The following VTI1A variants were observed in gnomAD, a reference collection of about 807,000 sequenced individuals.
The protein encoded by VTI1A is vesicle transport through interaction with t-SNAREs 1A.
In VTI1A, 22 loss-of-function variants were observed where a neutral mutation model predicts 34.9. The observed-to-expected ratio is 0.63, with a 90% CI of 0.45 to 0.90. The LOEUF is 0.90. VTI1A is among the 40% of genes least tolerant of loss of function. The pLI, the probability that VTI1A is intolerant of heterozygous loss-of-function variation, is 0.00. For synonymous variants in VTI1A, 87 were observed against 97.3 expected (o/e 0.89, Z 0.62); for missense variants, 268 against 275.6 (o/e 0.97, Z 0.20).
intron 5 of VTI1A, among the ~76,000 whole-genome samples, chr10:112,606,294 G>T (rs1332197635): frequency 6.6e-6 from 1 of 151,940 alleles, no homozygotes; most frequent in Non-Finnish European, 1.5e-5. Flanking sequence ...CAAAGTGCTG[G>T]GATTACAGAC....
intron 5 of VTI1A, among the ~76,000 whole-genome samples, chr10:112,545,927 GTT>G (rs1851066984): frequency 6.6e-6 from 1 of 151,300 alleles, no homozygotes. Flanking sequence ...GTGTGCATGT[GTT>G]TGTGTATTTT....
intron 7 of VTI1A, among the ~76,000 whole-genome samples, chr10:112,813,608 C>T (rs1853398063): frequency 6.6e-6 from 1 of 152,160 alleles, no homozygotes; most frequent in African/African-American, 2.4e-5. Context: ...ACAGAGCCAC[C>T]AAGTAGCACC....
At chr10:112,674,094 G>T (rs181679516) in intron 7 of VTI1A, among the ~76,000 whole-genome samples, 2 of 152,236 alleles carry the variant, frequency 1.3e-5, no homozygotes, top group African/African-American at 4.8e-5. Context: ...ACTGAAGAAA[G>T]TATCTTCTCT....
chr10:112,590,703 A>T (rs1257262892), intron 5 of VTI1A, among the ~76,000 whole-genome samples: 1 of 152,100 alleles, frequency 6.6e-6, no homozygotes, highest in Non-Finnish European at 1.5e-5. Context: ...TATTAATAAA[A>T]ATAAAATAAA....
rs186153717 is a variant in VTI1A at position 112,529,452 on chromosome 10, C to T, written c.342+2288C>T. Among the ~76,000 whole-genome samples, 27 of 152,136 alleles carry T rather than the reference C, an allele frequency of 1.8e-4. No individual in the cohort carries two copies. In the East Asian group the frequency reaches 4.3e-3, roughly 24 times the overall value. ...ATTCATTCAGAATATGGAGTCAAAACGGAAGCTCTTTCTGTAAAGAAAGAA... is the reference window on the plus strand; with the variant it reads ...ATTCATTCAGAATATGGAGTCAAAATGGAAGCTCTTTCTGTAAAGAAAGAA... On this transcript the variant is annotated intron_variant, in intron 4 of 7. Coordinates refer to ENST00000393077, the MANE Select transcript of VTI1A (RefSeq NM_145206.4).
At chr10:112,759,817 TC>T (rs947222766) in intron 7 of VTI1A, among the ~76,000 whole-genome samples, 2 of 144,792 alleles carry the variant, frequency 1.4e-5, no homozygotes, top group Non-Finnish European at 3.0e-5. Context: ...GTTCCAGCAC[TC>T]CAGGTCTGCC....
In VTI1A at chr10:112,572,697, G is replaced by A. The variant is rs571456441; in HGVS notation, c.427+34367G>A. 2.6e-5 allele frequency among the ~76,000 whole-genome samples: 4 copies of A among 152,148 alleles called. No homozygotes were observed. In the East Asian group the frequency reaches 7.7e-4, roughly 29 times the overall value. On this transcript the variant is annotated intron_variant, in intron 5 of 7. Coordinates refer to ENST00000393077, the MANE Select transcript of VTI1A (RefSeq NM_145206.4). ...ACTAAAAATACAAAAAATTAGCCGG[G>A]CGCGGTGGCGGGCGCCTGTAGTCCC...
chr10:112,816,632 T>C lies in VTI1A; in HGVS notation c.*1249T>C, dbSNP rs1251637309. 4.4e-6 allele frequency: 1 copy of C among 227,202 alleles called. No homozygotes were observed. The highest frequency in any genetic ancestry group is 8.7e-6 in the Non-Finnish European group (1 of 114,326). The allele number at this position is 227,202 out of a possible 1,614,324, so 14.1% of individuals were successfully genotyped here. ...TTAAAAGTTGCCCAAGCTGAGGTCG[T>C]TTCCCCCCAGTCACAAAGCAGAATG... On this transcript the variant is annotated 3_prime_UTR_variant, in exon 8 of 8. Coordinates refer to ENST00000393077, the MANE Select transcript of VTI1A (RefSeq NM_145206.4).
intron 3 of VTI1A, among the ~76,000 whole-genome samples, chr10:112,497,573 T>A (rs1289253684): frequency 6.6e-6 from 1 of 152,214 alleles, no homozygotes; most frequent in Non-Finnish European, 1.5e-5. Context: ...TCAAAAGATA[T>A]ATTAGCTATT....
At position 112,550,847 on chromosome 10, in the gene VTI1A, T is replaced by G. The variant is rs148068734; in HGVS notation, c.427+12517T>G. 1.1e-3 allele frequency among the ~76,000 whole-genome samples: 175 copies of G among 152,320 alleles called. 3 individuals are homozygous for G. The highest frequency in any genetic ancestry group is 9.3e-3 in the Admixed American group (143 of 15,302). On this transcript the variant is annotated intron_variant, in intron 5 of 7. Transcript: ENST00000393077. ...TTTGGAGGATAAAGAAGGCACATTGTTGAGTAGTAGTCCTACCATTACCCT... is the reference window on the plus strand; with the variant it reads ...TTTGGAGGATAAAGAAGGCACATTGGTGAGTAGTAGTCCTACCATTACCCT...
At chr10:112,624,112 A>C (rs373864997) in intron 5 of VTI1A, among the ~76,000 whole-genome samples, 3 of 152,294 alleles carry the variant, frequency 2.0e-5, no homozygotes, top group African/African-American at 7.2e-5. Context: ...ATTTACCCAT[A>C]TTTATAATAT....
intron 5 of VTI1A, among the ~76,000 whole-genome samples, chr10:112,549,330 G>A (rs1207696406): frequency 6.6e-6 from 1 of 152,220 alleles, no homozygotes; most frequent in Non-Finnish European, 1.5e-5. Context: ...CTGCAGAGGT[G>A]CAGAGCTAGG....
chr10:112,574,657 A>G (rs1852264465), intron 5 of VTI1A, among the ~76,000 whole-genome samples: 1 of 152,216 alleles, frequency 6.6e-6, no homozygotes, highest in South Asian at 2.1e-4. Context: ...TAAATCTACC[A>G]CACGTTAAGT....
At chr10:112,532,962 A>G (rs1278053876) in intron 4 of VTI1A, among the ~76,000 whole-genome samples, 2 of 152,102 alleles carry the variant, frequency 1.3e-5, no homozygotes. Flanking sequence ...TTTATTTTCT[A>G]TTAAAATAAC....
At chr10:112,669,363 G>C (rs1184495440) in intron 7 of VTI1A, among the ~76,000 whole-genome samples, 1 of 152,110 alleles carries the variant, frequency 6.6e-6, no homozygotes, top group Non-Finnish European at 1.5e-5. Flanking sequence ...CCATTTTCAG[G>C]AGCACATTTG....
downstream of VTI1A, among the ~76,000 whole-genome samples, chr10:112,819,804 CTGTT>C (rs1853618702): frequency 6.6e-6 from 1 of 152,282 alleles, no homozygotes; most frequent in South Asian, 2.1e-4. Context: ...TCTGCTCAGC[CTGTT>C]TGTTTGATGA....
At chr10:112,750,989 C>T (rs1019741067) in intron 7 of VTI1A, among the ~76,000 whole-genome samples, 10 of 152,100 alleles carry the variant, frequency 6.6e-5, no homozygotes, top group African/African-American at 1.9e-4. Flanking sequence ...CGAAAGTTCC[C>T]CTGTTGGTTT....
chr10:112,510,664 A>AAAAC (rs1849576960), intron 3 of VTI1A, among the ~76,000 whole-genome samples: 1 of 152,134 alleles, frequency 6.6e-6, no homozygotes, highest in Admixed American at 6.5e-5. Flanking sequence ...CACCACCACA[A>AAAAC]AAACAATTAT....
intron 5 of VTI1A, among the ~76,000 whole-genome samples, chr10:112,622,928 A>G (rs115319469): frequency 0.016 from 2,417 of 152,316 alleles, 64 homozygotes; most frequent in African/African-American, 0.055. Context: ...TTAGTAAGCA[A>G]TTTCACAATG....
Sources: allele counts gnomAD v4.1 joint callset (sites outside exome capture counted in the v4.1 genomes callset), GRCh38; gene constraint gnomAD v4.1.1; transcripts MANE v1.5; gene names NCBI Gene and HGNC (gene_info 2026-07-23, HGNC 2026-07-21).